Variants in ITGAD observed in about 807,000 individuals in gnomAD.
ITGAD encodes the protein integrin alpha-D.
In ITGAD, 105 loss-of-function variants were observed where a neutral mutation model predicts 139.0. That is an observed-to-expected ratio of 0.76 (90% CI 0.65 to 0.89). The LOEUF (loss-of-function observed/expected upper bound fraction) is 0.89. ITGAD is among the 40% of genes least tolerant of loss of function. The pLI, the probability that ITGAD is intolerant of heterozygous loss-of-function variation, is 0.00. For synonymous variants in ITGAD, 569 were observed against 598.3 expected (o/e 0.95, Z 0.71); for missense variants, 1,384 against 1,487.3 (o/e 0.93, Z 1.14).
intron 23 of ITGAD, 29 bp from the exon 24 acceptor site, chr16:31,423,085 T>C (rs779658396): frequency 1.3e-6 from 2 of 1,585,528 alleles, no homozygotes; most frequent in Non-Finnish European, 1.7e-6. Context: ...GTTTCAGGGC[T>C]GTTTTTCACC....
chr16:31,405,809 T>TA (rs1290791434), intron 7 of ITGAD, among the ~76,000 whole-genome samples: 1 of 151,998 alleles, frequency 6.6e-6, no homozygotes, highest in Non-Finnish European at 1.5e-5. Context: ...TGGCTAATTT[T>TA]AAAAAACATT....
At chr16:31,395,127 G>T (rs2081232969) in intron 2 of ITGAD, among the ~76,000 whole-genome samples, 1 of 152,086 alleles carries the variant, frequency 6.6e-6, no homozygotes, top group South Asian at 2.1e-4. Flanking sequence ...GACCAGTTTG[G>T]CCAACACAGC....
chr16:31,400,292 C>T (rs1010596991), intron 5 of ITGAD, among the ~76,000 whole-genome samples: 17 of 152,128 alleles, frequency 1.1e-4, no homozygotes, highest in African/African-American at 2.9e-4. Context: ...CTTGAAGCAC[C>T]AGTGGTTGAG....
rs1184287771 is a variant in ITGAD at position 31,411,580 on chromosome 16, G to A, written c.1707+63G>A. ...TTCCCATGTCCTGAGTTCACTGAAC[G>A]CAGCCTCCTGTCTCTGTCACCATTC... is the stretch of plus-strand genomic sequence containing the variant. On this transcript the variant is annotated intron_variant, in intron 14 of 29. Transcript: ENST00000389202. 45 of 1,482,054 alleles carry A rather than the reference G, an allele frequency of 3.0e-5. No homozygotes were observed. In the Middle Eastern group the frequency reaches 5.2e-4, roughly 17 times the overall value. The allele number at this position is 1,482,054 out of a possible 1,614,324, so 91.8% of individuals were successfully genotyped here. A position where few individuals can be genotyped will look rare whatever the true frequency, so the allele number is the denominator to read the frequency against.
Position 31,397,928 on chromosome 16 carries a change from A to G in ITGAD, c.427+19A>G, listed in dbSNP as rs1381139827. ...ACGCCAGGTAGGTCCCTGGCAGGCC[A>G]TGGTTCCCTGTGGAGCACATGCTGG... On this transcript the variant is annotated intron_variant, in intron 5 of 29. Coordinates refer to ENST00000389202, the MANE Select transcript of ITGAD (RefSeq NM_005353.3). 3.2e-6 allele frequency: 5 copies of G among 1,583,510 alleles called. No individual in the cohort carries two copies. Among genetic ancestry groups the G allele is most frequent in the East Asian group, 2.3e-5 (1 of 44,210 alleles).
chr16:31,398,938 T>A (rs906573983), intron 5 of ITGAD, among the ~76,000 whole-genome samples: 5 of 152,252 alleles, frequency 3.3e-5, no homozygotes, highest in African/African-American at 1.2e-4. Context: ...GGAAGATAAA[T>A]CCATGAGGGA....
intron 2 of ITGAD, among the ~76,000 whole-genome samples, chr16:31,396,559 G>A (rs1339422928): frequency 2.0e-5 from 3 of 152,196 alleles, no homozygotes; most frequent in Admixed American, 6.5e-5. Flanking sequence ...TCTAGCCAAT[G>A]CTCAGATTTT....
chr16:31,410,369 C>T (rs775457577), intron 10 of ITGAD, 26 bp from the exon 11 acceptor site: 3 of 1,613,618 alleles, frequency 1.9e-6, no homozygotes, highest in Non-Finnish European at 2.5e-6. Flanking sequence ...TAGTCTCTGC[C>T]CAGCCCTGGA....
rs1283572484 is a variant in ITGAD, at chr16:31,393,368, TC to T, written c.9del (p.Phe3LeufsTer7). On this transcript the variant is annotated frameshift_variant, in exon 1 of 30. Transcript: ENST00000389202. LOFTEE classifies it high-confidence loss of function. MT[F>X]GTVLLLSVLA... The stretch of plus-strand genomic sequence containing the variant: ...TCAACGCGCTGCTCAGGGATGACCT[TC>T]GGCACTGTGCTTCTTCTGAGTGGTA... The T allele has an allele frequency of 1.2e-6, 2 of 1,613,948 alleles. No individual in the cohort carries two copies. Among genetic ancestry groups the T allele is most frequent in the East Asian group, 4.5e-5 (2 of 44,872 alleles).
Position 31,416,615 on chromosome 16 carries a change from G to A in ITGAD, c.2468G>A (p.Gly823Glu), listed in dbSNP as rs745314526. 1.9e-6 allele frequency: 3 copies of A among 1,612,272 alleles called. No individual in the cohort carries two copies. The highest frequency in any genetic ancestry group is 1.1e-5 in the South Asian group (1 of 91,060). The change falls in exon 20 of 30, where the codon GGG becomes GAG. Residue 823 changes from glycine (G) to glutamate (E), a missense_variant. Coordinates refer to ENST00000389202, the MANE Select transcript of ITGAD (RefSeq NM_005353.3). ...GTVVSLYYPA[G>E]LSHRRVSGAQ... The stretch of plus-strand genomic sequence containing the variant: ...GTGGTCAGCCTCTACTATCCAGCAG[G>A]GCTGTCGCACCGACGGGTGTCAGGA...
chr16:31,401,992 C>A, intron 5 of ITGAD, 123 bp from the exon 6 acceptor site: 2 of 1,179,252 alleles, frequency 1.7e-6, no homozygotes, highest in East Asian at 2.5e-5. Context: ...GGGCCTCCTC[C>A]AAGGAGGGGT....
At chr16:31,413,496 C>A (rs1309496518) in intron 16 of ITGAD, among the ~76,000 whole-genome samples, 1 of 152,200 alleles carries the variant, frequency 6.6e-6, no homozygotes, top group Non-Finnish European at 1.5e-5. Context: ...GCCCCTGATT[C>A]CCTTCCACCT....
At chr16:31,421,290 G>C (rs946691010) in intron 23 of ITGAD, among the ~76,000 whole-genome samples, 7 of 151,764 alleles carry the variant, frequency 4.6e-5, no homozygotes, top group Non-Finnish European at 8.8e-5. Context: ...GGGGAAAGCT[G>C]GGTGGTTTAC....
intron 9 of ITGAD, among the ~76,000 whole-genome samples, chr16:31,408,162 G>C (rs1255350873): frequency 1.3e-5 from 2 of 152,114 alleles, no homozygotes; most frequent in Non-Finnish European, 2.9e-5. Context: ...AGTAGAGGCG[G>C]GGTTTTGTCA....
intron 5 of ITGAD, among the ~76,000 whole-genome samples, chr16:31,398,566 C>T (rs762876431): frequency 7.2e-5 from 11 of 152,182 alleles, no homozygotes; most frequent in Non-Finnish European, 8.8e-5. Flanking sequence ...ACTGCAGCCT[C>T]GAACTCCTGG....
Position 31,408,510 on chromosome 16 carries a change from C to T in ITGAD, c.1083+12C>T. The stretch of plus-strand genomic sequence containing the variant: ...CAGCCCTCACAATGGTGGGTAGAGC[C>T]TGCCCTCAATCCATAGCTCTTGGAT... On this transcript the variant is annotated intron_variant, in intron 10 of 29. Transcript: ENST00000389202. 1 of 1,612,048 alleles carries T rather than the reference C, an allele frequency of 6.2e-7. No individual in the cohort carries two copies. Among genetic ancestry groups the T allele is most frequent in the Non-Finnish European group, 8.5e-7 (1 of 1,178,216 alleles).
rs577953379 is a variant in ITGAD, at chr16:31,410,746, C to T, written c.1224C>T (p.Thr408=). The T allele has an allele frequency of 5.3e-5, 85 of 1,610,984 alleles. No individual in the cohort carries two copies. The highest frequency in any genetic ancestry group is 9.4e-5 in the African/African-American group (7 of 74,634). Residue 408 remains threonine, a synonymous_variant, in exon 12 of 30, where the codon ACC becomes ACT. Coordinates refer to ENST00000389202, the MANE Select transcript of ITGAD (RefSeq NM_005353.3). Reference sequence around the variant, plus strand: ...GCCTGGGCCCCTCAGGTTACTCCACCGAGCTAGCCCTGTGGAAGGGGGTAC... The same window carrying T: ...GCCTGGGCCCCTCAGGTTACTCCACTGAGCTAGCCCTGTGGAAGGGGGTAC... ...DMRDSYLGYS[T]ELALWKGVQN...
At position 31,410,944 on chromosome 16, in the gene ITGAD, G is replaced by A. The variant is rs1207290794; in HGVS notation, c.1356+66G>A. 14 of 1,597,498 alleles carry A rather than the reference G, an allele frequency of 8.8e-6. No homozygotes were observed. In the Admixed American group the frequency reaches 1.2e-4, roughly 14 times the overall value. The stretch of plus-strand genomic sequence containing the variant: ...GAGGATGAGGGTGGGGACAGTGGCC[G>A]GGGCTAGGGAGAGGATGGAGGGGCT... On this transcript the variant is annotated intron_variant, in intron 12 of 29. Transcript: ENST00000389202.
At position 31,416,222 on chromosome 16, in the gene ITGAD, GAGA is replaced by G. The variant is rs1567347328; in HGVS notation, c.2298_2300del (p.Lys766del). 3 of 1,605,604 alleles carry G rather than the reference GAGA, an allele frequency of 1.9e-6. No homozygotes were observed. In the African/African-American group the frequency reaches 4.0e-5, roughly 21 times the overall value. On this transcript the variant is annotated inframe_deletion, in exon 19 of 30. Transcript: ENST00000389202. ...TACTATTTTGCTGCAGCTCCCCTTC[GAGA>G]AGAACTGTGGGCAAGATGGCCTCTG...
Sources: allele counts gnomAD v4.1 joint callset (sites outside exome capture counted in the v4.1 genomes callset), GRCh38; gene constraint gnomAD v4.1.1; transcripts MANE v1.5; gene names NCBI Gene and HGNC (gene_info 2026-07-23, HGNC 2026-07-21).